CALN1: variants seen among roughly 807,000 people sequenced by gnomAD.
CALN1 encodes calcium-binding protein 8.
A neutral mutation model predicts 30.6 loss-of-function variants in CALN1; 17 were observed. The ratio of observed to expected loss-of-function variants is 0.56; its 90% CI spans 0.38 to 0.83. The LOEUF (loss-of-function observed/expected upper bound fraction) is 0.83, where lower values mean the gene tolerates loss of function less well. CALN1 is among the 40% of genes least tolerant of loss of function. The pLI is 0.00. For synonymous variants in CALN1, 156 were observed against 131.4 expected (o/e 1.19, Z -1.28); for missense variants, 291 against 354.9 (o/e 0.82, Z 1.45).
chr7:72,006,676 G>GA (rs1026756345), intron 5 of CALN1, among the ~76,000 whole-genome samples: 4 of 151,856 alleles, frequency 2.6e-5, no homozygotes, highest in African/African-American at 9.7e-5. Flanking sequence ...GAGGATTCAA[G>GA]AAAAAAATAA....
At chr7:72,464,718 G>A in the CALN1 span, among the ~76,000 whole-genome samples, 2 of 152,208 alleles carry the variant, frequency 1.3e-5, no homozygotes, top group South Asian at 2.1e-4. Flanking sequence ...AGTTAGCAAG[G>A]TTAGAGCAAT....
chr7:72,485,957 T>C, the CALN1 span, among the ~76,000 whole-genome samples: 1 of 152,208 alleles, frequency 6.6e-6, no homozygotes, highest in African/African-American at 2.4e-5. Context: ...TTCTTTTTTA[T>C]TTTTATTTTT....
At chr7:71,879,054 G>A (rs879717319) in intron 5 of CALN1, among the ~76,000 whole-genome samples, 24 of 152,146 alleles carry the variant, frequency 1.6e-4, no homozygotes, top group Non-Finnish European at 2.9e-4. Context: ...CATTTTTATT[G>A]TCTAAGAGTG....
chr7:71,958,141 C>CT (rs1797063540), intron 5 of CALN1, among the ~76,000 whole-genome samples: 1 of 151,392 alleles, frequency 6.6e-6, no homozygotes, highest in East Asian at 1.9e-4. Context: ...TTACCAATCT[C>CT]TTACATGGTA....
At chr7:71,859,820 T>G (rs1791167623) in intron 5 of CALN1, among the ~76,000 whole-genome samples, 1 of 152,106 alleles carries the variant, frequency 6.6e-6, no homozygotes, top group African/African-American at 2.4e-5. Context: ...CCATCTTGAA[T>G]AGGGGCTGGG....
At chr7:72,473,932 A>G in the CALN1 span, among the ~76,000 whole-genome samples, 1 of 150,592 alleles carries the variant, frequency 6.6e-6, no homozygotes, top group East Asian at 1.9e-4. Flanking sequence ...CTGTTTAAAA[A>G]AAAAAAAAAA....
At chr7:72,270,625 A>G (rs1169753557) in intron 3 of CALN1, among the ~76,000 whole-genome samples, 1 of 151,850 alleles carries the variant, frequency 6.6e-6, no homozygotes, top group Non-Finnish European at 1.5e-5. Flanking sequence ...TTTTTTTTTA[A>G]TTTAGCAGGT....
intron 4 of CALN1, among the ~76,000 whole-genome samples, chr7:72,027,067 A>C (rs1314445273): frequency 6.6e-6 from 1 of 152,218 alleles, no homozygotes; most frequent in Non-Finnish European, 1.5e-5. Flanking sequence ...ATGGCTTCTT[A>C]GGGAACAAAA....
chr7:72,317,041 AG>A (rs1800511058), intron 2 of CALN1, among the ~76,000 whole-genome samples: 1 of 142,760 alleles, frequency 7.0e-6, no homozygotes, highest in African/African-American at 2.7e-5. Context: ...AGGAGGGAAG[AG>A]AGAGAGAGAA....
chr7:72,289,012 T>C lies in CALN1; in HGVS notation c.120-10202A>G, dbSNP rs1798291281. ...AAATAAGGGGCTATAAATGGCAAGCTTTCTAAGTCTTTGTCTTAAAAAGTC... is the reference window on the plus strand; with the variant it reads ...AAATAAGGGGCTATAAATGGCAAGCCTTCTAAGTCTTTGTCTTAAAAAGTC... On this transcript the variant is annotated intron_variant, in intron 2 of 6. Transcript: ENST00000395275. 2.6e-5 allele frequency among the ~76,000 whole-genome samples: 4 copies of C among 152,344 alleles called. No homozygotes were observed. The South Asian group carries it at 8.3e-4, about 32-fold the overall frequency.
At chr7:72,109,122 A>G (rs1405908756) in intron 3 of CALN1, among the ~76,000 whole-genome samples, 1 of 152,136 alleles carries the variant, frequency 6.6e-6, no homozygotes, top group Non-Finnish European at 1.5e-5. Flanking sequence ...ATAGCTGTTC[A>G]AGGGATGATG....
At chr7:72,381,695 T>C (rs1384554974) in intron 2 of CALN1, among the ~76,000 whole-genome samples, 2 of 152,174 alleles carry the variant, frequency 1.3e-5, no homozygotes, top group African/African-American at 4.8e-5. Context: ...CACTGGGGCC[T>C]GTCAGGGGCA....
chr7:72,137,728 T>C (rs1402343121), intron 3 of CALN1, among the ~76,000 whole-genome samples: 2 of 152,218 alleles, frequency 1.3e-5, no homozygotes, highest in African/African-American at 4.8e-5. Flanking sequence ...TTAAGTTTTC[T>C]TATTCTGATG....
At chr7:72,075,162 G>A (rs182705897) in intron 4 of CALN1, among the ~76,000 whole-genome samples, 4 of 152,294 alleles carry the variant, frequency 2.6e-5, no homozygotes, top group East Asian at 1.9e-4. Context: ...GTCAGGGGAC[G>A]GTCAGCCCTT....
At chr7:72,140,964 C>G (rs1383331218) in intron 3 of CALN1, among the ~76,000 whole-genome samples, 1 of 152,180 alleles carries the variant, frequency 6.6e-6, no homozygotes, top group Non-Finnish European at 1.5e-5. Flanking sequence ...GTGAATGTCT[C>G]TAAAACAAAA....
intron 2 of CALN1, among the ~76,000 whole-genome samples, chr7:72,402,498 A>G (rs1223626280): frequency 6.6e-6 from 1 of 152,182 alleles, no homozygotes; most frequent in African/African-American, 2.4e-5. Flanking sequence ...GGATGTACCC[A>G]TTTATAGGAC....
At chr7:72,311,639 C>T (rs1365966686) in intron 2 of CALN1, among the ~76,000 whole-genome samples, 10 of 144,396 alleles carry the variant, frequency 6.9e-5, no homozygotes, top group South Asian at 2.2e-4. Context: ...GCCACCACAA[C>T]GCCTGGCTGA....
chr7:72,124,267 G>C (rs1237525547), intron 3 of CALN1, among the ~76,000 whole-genome samples: 2 of 152,158 alleles, frequency 1.3e-5, no homozygotes, highest in East Asian at 3.8e-4. Context: ...TCAATACATA[G>C]ACTACAATGA....
At chr7:72,124,701 G>A (rs1009550767) in intron 3 of CALN1, among the ~76,000 whole-genome samples, 3 of 146,828 alleles carry the variant, frequency 2.0e-5, no homozygotes, top group Non-Finnish European at 3.0e-5. Context: ...TTGTAAACAA[G>A]AATTGGAGGC....
Sources: allele counts gnomAD v4.1 joint callset (sites outside exome capture counted in the v4.1 genomes callset), GRCh38; gene constraint gnomAD v4.1.1; transcripts MANE v1.5; gene names NCBI Gene and HGNC (gene_info 2026-07-23, HGNC 2026-07-21).